The following AGO3 variants were observed in gnomAD, a reference collection of about 807,000 sequenced individuals.
AGO3 encodes the protein protein argonaute-3.
AGO3 carries 16 observed loss-of-function variants against 105.5 expected under a neutral mutation model. The ratio of observed to expected loss-of-function variants is 0.15; its 90% CI spans 0.10 to 0.23. The LOEUF is 0.23. AGO3 is among the 10% of genes least tolerant of loss of function. The probability of loss-of-function intolerance (pLI) is 1.00; values close to 1 mark genes in which losing one functional copy is unlikely to be tolerated. For missense variants in AGO3, 534 were observed against 1,088.0 expected (o/e 0.49, Z 7.16); for synonymous variants, 340 against 367.3 (o/e 0.93, Z 0.85).
chr1:35,941,884 T>G (rs1424642481), intron 1 of AGO3, among the ~76,000 whole-genome samples: 1 of 152,198 alleles, frequency 6.6e-6, no homozygotes, highest in East Asian at 1.9e-4. Context: ...CTTAGCACAT[T>G]GCCTGAGACA....
chr1:35,944,874 C>T (rs1205887285), intron 1 of AGO3, among the ~76,000 whole-genome samples: 1 of 152,034 alleles, frequency 6.6e-6, no homozygotes. Flanking sequence ...ATAATCTTGG[C>T]GCATTGCAAA....
In AGO3 at chr1:35,934,068, G is replaced by A. The variant is rs549859729; in HGVS notation, c.19+2623G>A. Reference sequence around the variant, plus strand: ...TAACATCTGTGTCTGTGACTCTTTAGTTGGGGAACATCTGATGAAACACCG... The same window carrying A: ...TAACATCTGTGTCTGTGACTCTTTAATTGGGGAACATCTGATGAAACACCG... On this transcript the variant is annotated intron_variant, in intron 1 of 18. Coordinates refer to ENST00000373191, the MANE Select transcript of AGO3 (RefSeq NM_024852.4). Among the ~76,000 whole-genome samples, 3 of 152,260 alleles carry A rather than the reference G, an allele frequency of 2.0e-5. No homozygotes were observed. In the East Asian group the frequency reaches 5.8e-4, roughly 29 times the overall value.
intron 1 of AGO3, among the ~76,000 whole-genome samples, chr1:35,945,102 A>G (rs1356463439): frequency 1.3e-5 from 2 of 152,188 alleles, no homozygotes; most frequent in Admixed American, 6.5e-5. Context: ...GTGAGCTGCC[A>G]TGCTTGGCCT....
intron 11 of AGO3, among the ~76,000 whole-genome samples, chr1:36,025,528 C>G (rs1641464225): frequency 6.6e-6 from 1 of 151,732 alleles, no homozygotes; most frequent in Non-Finnish European, 1.5e-5. Context: ...GCTTGTGGCT[C>G]TTGTTAGGCT....
At chr1:36,021,240 T>C (rs1287949282) in intron 11 of AGO3, among the ~76,000 whole-genome samples, 1 of 152,146 alleles carries the variant, frequency 6.6e-6, no homozygotes, top group African/African-American at 2.4e-5. Flanking sequence ...CCGCCATTAC[T>C]TTGAACAGCA....
intron 5 of AGO3, chr1:35,984,655 C>T (rs775679294): frequency 1.4e-4 from 21 of 152,126 alleles, no homozygotes; most frequent in African/African-American, 2.4e-4. Context: ...CCTGTTAGAA[C>T]GAAAGCTCCA....
chr1:36,037,038 G>T lies in AGO3; in HGVS notation c.1842+771G>T, dbSNP rs186930702. ...ACTGCCACTCCTGTTTTTAACATCT[G>T]CCTGTTATTTCTTTGCTCTCTGTGT... On this transcript the variant is annotated intron_variant, in intron 14 of 18. Transcript: ENST00000373191. Among the ~76,000 whole-genome samples, 11 of 150,732 alleles carry T rather than the reference G, an allele frequency of 7.3e-5. No individual in the cohort carries two copies. In the East Asian group the frequency reaches 2.1e-3, roughly 29 times the overall value.
At chr1:35,973,541 G>A (rs764075067) in intron 5 of AGO3, 30 bp downstream of exon 5, 2 of 1,461,340 alleles carry the variant, frequency 1.4e-6, no homozygotes, top group South Asian at 3.1e-5. Flanking sequence ...ATTCTGTATT[G>A]GGTGGTGGAT....
chr1:36,055,567 T>C lies in AGO3; in HGVS notation c.2475-70T>C. 2 of 1,397,596 alleles carry C rather than the reference T, an allele frequency of 1.4e-6. No individual in the cohort carries two copies. The highest frequency in any genetic ancestry group is 1.4e-5 in the African/African-American group (1 of 70,408). The allele number at this position is 1,397,596 out of a possible 1,614,324, so 86.6% of individuals were successfully genotyped here. On this transcript the variant is annotated intron_variant, in intron 18 of 18. Transcript: ENST00000373191. The surrounding 1 kb of genome is among the most constrained non-coding windows in gnomAD (Gnocchi z 4.4). ...TAATTTTGAAATTTTCTACAACAAA[T>C]AGTATTTTTCGGAATTATTACATCA...
intron 2 of AGO3, among the ~76,000 whole-genome samples, chr1:35,956,637 G>T (rs1042735583): frequency 9.4e-4 from 130 of 137,644 alleles, no homozygotes; most frequent in Admixed American, 2.6e-3. Flanking sequence ...TTCTTTTTTT[G>T]TTTTTTTTTT....
At position 36,027,734 on chromosome 1, in the gene AGO3, G is replaced by A. The variant is rs1338085057; in HGVS notation, c.1591+436G>A. ...GTGGAGCTTGCAGTGAGCCGAGATC[G>A]CACCGGTGCACTCCAGCCTGGGCGA... On this transcript the variant is annotated intron_variant, in intron 12 of 18. Transcript: ENST00000373191. This position sits in a 1 kb window ranked among gnomAD's most constrained non-coding sequence, Gnocchi z 4.0. Among the ~76,000 whole-genome samples the A allele has an allele frequency of 1.1e-4, 17 of 150,124 alleles. No homozygotes were observed. The highest frequency in any genetic ancestry group is 3.9e-4 in the African/African-American group (16 of 40,656).
intron 9 of AGO3, among the ~76,000 whole-genome samples, chr1:36,012,906 A>T (rs1258534342): frequency 8.4e-6 from 1 of 119,194 alleles, no homozygotes; most frequent in Admixed American, 8.0e-5. Flanking sequence ...CCATCTCTTT[A>T]AAAAAAAAAA....
At chr1:35,972,313 A>G in intron 4 of AGO3, 81 bp downstream of exon 4, 1 of 1,407,044 alleles carries the variant, frequency 7.1e-7, no homozygotes, top group East Asian at 2.4e-5. Flanking sequence ...TTAAACCTTT[A>G]TTTGTCATAT....
chr1:35,949,344 C>G (rs1646427503), intron 2 of AGO3, among the ~76,000 whole-genome samples: 1 of 152,218 alleles, frequency 6.6e-6, no homozygotes. Flanking sequence ...ATGTCAACAT[C>G]TGCAAAACTT....
chr1:35,994,498 C>G (rs533129121), intron 5 of AGO3, among the ~76,000 whole-genome samples: 2 of 152,252 alleles, frequency 1.3e-5, no homozygotes, highest in East Asian at 3.9e-4. Flanking sequence ...GATGCTTGCT[C>G]TCATTATTTG....
chr1:35,986,468 C>T (rs765651148), intron 5 of AGO3, among the ~76,000 whole-genome samples: 1 of 152,124 alleles, frequency 6.6e-6, no homozygotes, highest in Non-Finnish European at 1.5e-5. Flanking sequence ...GCCTTCGGAT[C>T]ATATGAGGCC....
rs77572046 is a variant in AGO3 at position 36,000,368 on chromosome 1, C to T, written c.659-3973C>T. On this transcript the variant is annotated intron_variant, in intron 5 of 18. Transcript: ENST00000373191. Reference sequence around the variant, plus strand: ...AAATTTAATTTTTACCTCAAATGCCCACCTTCCTGTAGAGAAGATGGTCAA... The same window carrying T: ...AAATTTAATTTTTACCTCAAATGCCTACCTTCCTGTAGAGAAGATGGTCAA... Among the ~76,000 whole-genome samples, 1,031 of 152,170 alleles carry T rather than the reference C, an allele frequency of 6.8e-3. 8 individuals carry two copies. Among genetic ancestry groups the T allele is most frequent in the African/African-American group, 0.023 (966 of 41,518 alleles).
intron 2 of AGO3, among the ~76,000 whole-genome samples, chr1:35,956,731 C>G (rs1646573976): frequency 6.6e-6 from 1 of 151,586 alleles, no homozygotes; most frequent in African/African-American, 2.4e-5. Context: ...TGACTGCAAC[C>G]TCCGCCTTCC....
intron 1 of AGO3, among the ~76,000 whole-genome samples, chr1:35,932,441 C>G (rs1301398248): frequency 1.3e-5 from 2 of 151,890 alleles, no homozygotes; most frequent in Non-Finnish European, 2.9e-5. Context: ...GAAAAACTTA[C>G]GTAAAAGAAA....
Sources: allele counts gnomAD v4.1 joint callset (sites outside exome capture counted in the v4.1 genomes callset), GRCh38; gene constraint gnomAD v4.1.1; non-coding constraint Gnocchi (gnomAD v3.1); transcripts MANE v1.5; gene names NCBI Gene and HGNC (gene_info 2026-07-23, HGNC 2026-07-21).